SLC2A5: variants seen among roughly 807,000 people sequenced by gnomAD.
SLC2A5 encodes solute carrier family 2 member 5, also known as solute carrier family 2, facilitated glucose transporter member 5.
SLC2A5 carries 56 observed loss-of-function variants against 50.3 expected under a neutral mutation model. The ratio of observed to expected loss-of-function variants is 1.11; its 90% CI spans 0.90 to 1.39. The LOEUF (loss-of-function observed/expected upper bound fraction) is 1.39. Among genes scored for constraint, SLC2A5 ranks in the 40% most tolerant of loss-of-function variants. SLC2A5 has a pLI of 0.00. For missense variants in SLC2A5, 566 were observed against 650.1 expected, an observed-to-expected ratio of 0.87 and a Z score of 1.41; for synonymous variants, 269 against 281.9, an observed-to-expected ratio of 0.95 and a Z score of 0.46.
intron 1 of SLC2A5, among the ~76,000 whole-genome samples, chr1:9,063,897 G>A (rs796325356): frequency 9.4e-5 from 13 of 138,046 alleles, no homozygotes; most frequent in African/African-American, 3.0e-4. Context: ...GGGTTTCACC[G>A]TGTTAGCCAG....
upstream of SLC2A5, among the ~76,000 whole-genome samples, chr1:9,091,900 C>T (rs1311642423): frequency 6.6e-6 from 1 of 152,052 alleles, no homozygotes; most frequent in East Asian, 1.9e-4. Context: ...GAACTAGTTG[C>T]CCTAATAAGA....
chr1:9,039,495 G>A (rs924114413), intron 8 of SLC2A5, 57 bp downstream of exon 8: 1 of 1,311,672 alleles, frequency 7.6e-7, no homozygotes, highest in Non-Finnish European at 1.0e-6. Context: ...CCGAGGCTGG[G>A]GCGTGGGGCC....
At chr1:9,073,264 C>T (rs1358240339), upstream of SLC2A5, 1 of 152,264 alleles carries the variant, frequency 6.6e-6, no homozygotes, top group South Asian at 2.1e-4. Flanking sequence ...AGTGCCTCTT[C>T]TGTAGTAATA....
chr1:9,088,999 T>C (rs1642435028), upstream of SLC2A5, among the ~76,000 whole-genome samples: 1 of 152,230 alleles, frequency 6.6e-6, no homozygotes. Context: ...TTCAATCCTT[T>C]AATTTAACTT....
rs70985579 is a variant in SLC2A5 at position 9,063,681 on chromosome 1, C to CTTTTTTTTTT, written c.34-5441_34-5432dup. 4.4e-4 allele frequency among the ~76,000 whole-genome samples: 20 copies of CTTTTTTTTTT among 45,172 alleles called. 3 individuals are homozygous for CTTTTTTTTTT. Among genetic ancestry groups the CTTTTTTTTTT allele is most frequent in the Non-Finnish European group, 5.5e-4 (15 of 27,092 alleles). The allele number at this position is 45,172 out of a possible 152,430, so 29.6% of individuals were successfully genotyped here. A position where few individuals can be genotyped will look rare whatever the true frequency, so the allele number is the denominator to read the frequency against. On this transcript the variant is annotated intron_variant, in intron 1 of 11. Coordinates refer to ENST00000377424, the MANE Select transcript of SLC2A5 (RefSeq NM_003039.3). ...AGCCAACACATCAGGCTATTATTTA[C>CTTTTTTTTTT]TTTTTTTTTTTTTTTTTTTTTTTTT...
chr1:9,076,651 C>T (rs1456760455), intron 2 of SLC2A5, among the ~76,000 whole-genome samples: 2 of 152,036 alleles, frequency 1.3e-5, no homozygotes, highest in African/African-American at 4.8e-5. Context: ...ATTTATTAAT[C>T]TAAAGGAAAA....
At chr1:9,080,596 C>T (rs1196126698) in intron 2 of SLC2A5, among the ~76,000 whole-genome samples, 2 of 152,178 alleles carry the variant, frequency 1.3e-5, no homozygotes, top group Admixed American at 6.5e-5. Flanking sequence ...TGACGTTGAG[C>T]ATCTTTTCAC....
intron 1 of SLC2A5, among the ~76,000 whole-genome samples, chr1:9,067,199 G>A (rs1371903525): frequency 6.6e-6 from 1 of 152,160 alleles, no homozygotes; most frequent in South Asian, 2.1e-4. Flanking sequence ...GATTCTTACA[G>A]ACCATTGGGA....
upstream of SLC2A5, among the ~76,000 whole-genome samples, chr1:9,093,382 A>G (rs1246991148): frequency 2.0e-5 from 3 of 152,186 alleles, no homozygotes; most frequent in Non-Finnish European, 4.4e-5. Context: ...CTTCTGTTAC[A>G]TCTCCACAGG....
intron 3 of SLC2A5, among the ~76,000 whole-genome samples, chr1:9,050,994 C>A (rs1475951940): frequency 2.0e-5 from 3 of 152,140 alleles, no homozygotes; most frequent in Non-Finnish European, 4.4e-5. Flanking sequence ...ACCAACAATT[C>A]TGGTCTGAAG....
chr1:9,038,958 G>C (rs747580190), intron 8 of SLC2A5, 29 bp from the exon 9 acceptor site: 7 of 1,601,288 alleles, frequency 4.4e-6, no homozygotes, highest in East Asian at 2.2e-5. Context: ...GCTCAGGCGG[G>C]AGAGGCCCAG....
At chr1:9,067,852 C>T (rs927722747) in intron 1 of SLC2A5, among the ~76,000 whole-genome samples, 4 of 152,172 alleles carry the variant, frequency 2.6e-5, no homozygotes, top group East Asian at 1.9e-4. Flanking sequence ...ATGGAAATCA[C>T]GCGGAGGTGG....
At position 9,037,402 on chromosome 1, in the gene SLC2A5, G is replaced by A; in HGVS notation, c.*184C>T. ...GGCCAACATGGAGAGAGACAGCCCA[G>A]CTTCAAGAACAGCAAGGCAGCCCTT... On this transcript the variant is annotated 3_prime_UTR_variant, in exon 12 of 12. Coordinates refer to ENST00000377424, the MANE Select transcript of SLC2A5 (RefSeq NM_003039.3). 1.7e-6 allele frequency: 1 copy of A among 589,074 alleles called. No homozygotes were observed. The allele number at this position is 589,074 out of a possible 1,614,324, so 36.5% of individuals were successfully genotyped here.
intron 1 of SLC2A5, 140 bp downstream of exon 1, chr1:9,069,364 C>T (rs1642164737): frequency 1.2e-6 from 1 of 832,336 alleles, no homozygotes; most frequent in Non-Finnish European, 2.0e-6. Context: ...CAAGACTTTC[C>T]CCCTCTCCCC....
intron 2 of SLC2A5, among the ~76,000 whole-genome samples, chr1:9,082,052 A>C (rs1642361257): frequency 6.6e-6 from 1 of 152,232 alleles, no homozygotes; most frequent in South Asian, 2.1e-4. Context: ...ACTGCACCCC[A>C]GCCTGGGAGA....
chr1:9,051,403 A>G (rs1342271864), intron 3 of SLC2A5, among the ~76,000 whole-genome samples: 1 of 152,220 alleles, frequency 6.6e-6, no homozygotes, highest in East Asian at 1.9e-4. Flanking sequence ...TGCAGAAGGC[A>G]TATCTAAAAG....
Position 9,040,921 on chromosome 1 carries a change from G to T in SLC2A5, c.572-732C>A, listed in dbSNP as rs181326373. On this transcript the variant is annotated intron_variant, in intron 5 of 11. Transcript: ENST00000377424. This position sits in a 1 kb window ranked among gnomAD's most constrained non-coding sequence, Gnocchi z 4.3. The stretch of plus-strand genomic sequence containing the variant: ...CAGGGACCTAGGTCTGTGCCGCTGG[G>T]TCTGCATCCTCATGAGACCTTGGAC... 534 of 154,210 alleles carry T rather than the reference G, an allele frequency of 3.5e-3. No individual in the cohort carries two copies. The highest frequency in any genetic ancestry group is 4.3e-3 in the Non-Finnish European group (302 of 69,466). The allele number at this position is 154,210 out of a possible 1,614,324, so 9.6% of individuals were successfully genotyped here. A position where few individuals can be genotyped will look rare whatever the true frequency, so the allele number is the denominator to read the frequency against.
In SLC2A5 at chr1:9,058,176, CACGTTGTACCCAT is replaced by C. The variant is rs1196427167; in HGVS notation, c.95_107del (p.Tyr32TrpfsTer32). Reference sequence around the variant, plus strand: ...CCAGTGCTGGGGAGTTGACAGCAGCCACGTTGTACCCATACTGGAAGGATGACCCAAAGGCAGC... The same window carrying C: ...CCAGTGCTGGGGAGTTGACAGCAGCCACTGGAAGGATGACCCAAAGGCAGC... On this transcript the variant is annotated frameshift_variant, in exon 2 of 12. Coordinates refer to ENST00000377424, the MANE Select transcript of SLC2A5 (RefSeq NM_003039.3). LOFTEE classifies it high-confidence loss of function. 37 of 1,613,932 alleles carry C rather than the reference CACGTTGTACCCAT, an allele frequency of 2.3e-5. No individual in the cohort carries two copies. The highest frequency in any genetic ancestry group is 3.1e-5 in the Non-Finnish European group (36 of 1,179,848).
the SLC2A5 span, among the ~76,000 whole-genome samples, chr1:9,093,494 A>G: frequency 1.3e-5 from 2 of 152,066 alleles, no homozygotes; most frequent in Non-Finnish European, 2.9e-5. Flanking sequence ...TCACTTCCTA[A>G]CCAACCTTAC....
Sources: allele counts gnomAD v4.1 joint callset (sites outside exome capture counted in the v4.1 genomes callset), GRCh38; gene constraint gnomAD v4.1.1; non-coding constraint Gnocchi (gnomAD v3.1); transcripts MANE v1.5; gene names NCBI Gene and HGNC (gene_info 2026-07-23, HGNC 2026-07-21).